The following SLC9B1 variants were observed in gnomAD, a reference collection of about 807,000 sequenced individuals.
SLC9B1 encodes solute carrier family 9 member B1.
Under a neutral mutation model 51.7 loss-of-function variants are expected in SLC9B1, and 32 were observed. The observed-to-expected ratio is 0.62, with a 90% CI of 0.47 to 0.83. The LOEUF (loss-of-function observed/expected upper bound fraction) is 0.83, where lower values mean the gene tolerates loss of function less well. Ranked by LOEUF, SLC9B1 falls within the 40% of genes least tolerant of loss-of-function variation. The pLI, the probability that SLC9B1 is intolerant of heterozygous loss-of-function variation, is 0.00. For synonymous variants in SLC9B1, 145 were observed against 212.7 expected (o/e 0.68, Z 2.77); for missense variants, 406 against 613.2 (o/e 0.66, Z 3.57).
At chr4:102,907,020 G>A (rs1474865561) in intron 9 of SLC9B1, among the ~76,000 whole-genome samples, 1 of 152,056 alleles carries the variant, frequency 6.6e-6, no homozygotes. Context: ...ACCATGCCTG[G>A]CCTAAAGTCA....
intron 3 of SLC9B1, among the ~76,000 whole-genome samples, chr4:102,975,421 G>C (rs1739002871): frequency 6.6e-6 from 1 of 151,484 alleles, no homozygotes; most frequent in South Asian, 2.1e-4. Flanking sequence ...TTGTCATGAA[G>C]GCATAGACAC....
At chr4:102,990,970 G>A (rs1316920938) in intron 2 of SLC9B1, among the ~76,000 whole-genome samples, 5 of 151,982 alleles carry the variant, frequency 3.3e-5, no homozygotes, top group Non-Finnish European at 7.4e-5. Flanking sequence ...AAGGGATAAA[G>A]ACACAATGGT....
intron 1 of SLC9B1, among the ~76,000 whole-genome samples, chr4:103,017,675 C>A (rs1741451747): frequency 7.1e-6 from 1 of 140,546 alleles, no homozygotes; most frequent in African/African-American, 2.9e-5. Context: ...AAACTAACCC[C>A]TCCCCCAGTC....
intron 3 of SLC9B1, among the ~76,000 whole-genome samples, chr4:102,981,606 T>A (rs1390220869): frequency 6.6e-6 from 1 of 152,190 alleles, no homozygotes; most frequent in Non-Finnish European, 1.5e-5. Flanking sequence ...TAATGACCTA[T>A]CATGTTGAGC....
intron 7 of SLC9B1, among the ~76,000 whole-genome samples, chr4:102,917,961 C>G (rs1735666041): frequency 2.0e-5 from 3 of 151,084 alleles, no homozygotes; most frequent in African/African-American, 7.3e-5. Context: ...CCCAGCTACT[C>G]TGGAGGCTGA....
intron 3 of SLC9B1, chr4:102,962,311 G>A: frequency 3.7e-6 from 2 of 539,368 alleles, no homozygotes; most frequent in Admixed American, 1.9e-5. Context: ...CTACAAAGTG[G>A]TCAATATGAC....
At chr4:102,887,586 GA>G in intron 11 of SLC9B1, 2 of 514,582 alleles carry the variant, frequency 3.9e-6, no homozygotes, top group Non-Finnish European at 3.5e-6. Context: ...CACTTAATTA[GA>G]AATTAAATTG....
intron 1 of SLC9B1, among the ~76,000 whole-genome samples, chr4:103,018,546 T>A (rs987141821): frequency 2.0e-5 from 3 of 152,176 alleles, no homozygotes; most frequent in African/African-American, 7.2e-5. Context: ...CACACATAAT[T>A]ATATTTATCT....
At chr4:103,004,917 C>A (rs1740701870) in intron 1 of SLC9B1, among the ~76,000 whole-genome samples, 1 of 152,128 alleles carries the variant, frequency 6.6e-6, no homozygotes, top group South Asian at 2.1e-4. Context: ...ATGTGCCTTA[C>A]AAGAGGTCCT....
At chr4:102,924,532 G>T (rs1736059018) in intron 7 of SLC9B1, among the ~76,000 whole-genome samples, 1 of 152,162 alleles carries the variant, frequency 6.6e-6, no homozygotes, top group African/African-American at 2.4e-5. Context: ...AATAGCAATG[G>T]CAACAAAAGC....
chr4:103,006,506 G>C (rs1215456397), intron 1 of SLC9B1, among the ~76,000 whole-genome samples: 1 of 151,954 alleles, frequency 6.6e-6, no homozygotes, highest in East Asian at 1.9e-4. Context: ...TAATAAAAAG[G>C]TTACCAACTA....
At chr4:102,894,789 C>G (rs1381572297) in intron 11 of SLC9B1, among the ~76,000 whole-genome samples, 1 of 152,010 alleles carries the variant, frequency 6.6e-6, no homozygotes, top group Non-Finnish European at 1.5e-5. Flanking sequence ...AACGCTATCT[C>G]TAACCAAAAC....
At chr4:102,979,999 T>C (rs1288900305) in intron 3 of SLC9B1, among the ~76,000 whole-genome samples, 1 of 152,116 alleles carries the variant, frequency 6.6e-6, no homozygotes, top group Non-Finnish European at 1.5e-5. Flanking sequence ...GAAAAAAAGC[T>C]CAACCTCACT....
intron 1 of SLC9B1, among the ~76,000 whole-genome samples, chr4:103,004,204 A>C (rs1158886846): frequency 6.6e-6 from 1 of 152,212 alleles, no homozygotes; most frequent in Non-Finnish European, 1.5e-5. Context: ...AAAATGATAT[A>C]GGAACTTAAA....
At chr4:103,014,070 T>C (rs1741204543) in intron 1 of SLC9B1, among the ~76,000 whole-genome samples, 1 of 152,198 alleles carries the variant, frequency 6.6e-6, no homozygotes, top group African/African-American at 2.4e-5. Flanking sequence ...AAGAAAAATG[T>C]TAAAACTCCT....
chr4:102,944,170 C>A (rs934444593), intron 6 of SLC9B1, among the ~76,000 whole-genome samples: 2 of 152,060 alleles, frequency 1.3e-5, no homozygotes, highest in African/African-American at 4.8e-5. Flanking sequence ...TAAGTGGGAG[C>A]TAAACACTGA....
intron 1 of SLC9B1, among the ~76,000 whole-genome samples, chr4:102,992,881 A>T (rs900926179): frequency 6.6e-6 from 1 of 152,184 alleles, no homozygotes; most frequent in Non-Finnish European, 1.5e-5. Flanking sequence ...ACTTAAAATC[A>T]TACTGGAGGG....
intron 6 of SLC9B1, among the ~76,000 whole-genome samples, chr4:102,943,873 G>T (rs1246984923): frequency 6.6e-6 from 1 of 152,036 alleles, no homozygotes; most frequent in Admixed American, 6.6e-5. Flanking sequence ...AACACCACCT[G>T]TTCCTTAAAA....
intron 6 of SLC9B1, among the ~76,000 whole-genome samples, chr4:102,939,680 G>T (rs1466797959): frequency 6.6e-6 from 1 of 152,184 alleles, no homozygotes; most frequent in Non-Finnish European, 1.5e-5. Context: ...ACTGAATCCA[G>T]CAGCATATCA....
Sources: allele counts gnomAD v4.1 joint callset (sites outside exome capture counted in the v4.1 genomes callset), GRCh38; gene constraint gnomAD v4.1.1; transcripts MANE v1.5; gene names NCBI Gene and HGNC (gene_info 2026-07-23, HGNC 2026-07-21).